Variants in MAP3K20 observed in about 807,000 individuals in gnomAD.
MAP3K20 encodes mitogen-activated protein kinase kinase kinase 20.
In MAP3K20, 40 loss-of-function variants were observed where a neutral mutation model predicts 85.7. That is an observed-to-expected ratio of 0.47 (90% confidence interval 0.36 to 0.61). The LOEUF is 0.61. Ranked by LOEUF, MAP3K20 falls within the 20% of genes least tolerant of loss-of-function variation. The pLI is 0.00. For synonymous variants in MAP3K20, 325 were observed against 327.7 expected (o/e 0.99, Z 0.09); for missense variants, 817 against 961.7 (o/e 0.85, Z 1.99).
intron 2 of MAP3K20, among the ~76,000 whole-genome samples, chr2:173,152,123 G>T (rs75618272): frequency 0.039 from 5,876 of 152,082 alleles, 183 homozygotes; most frequent in African/African-American, 0.084. Context: ...TCATCTCTGG[G>T]CTCACTGTTG....
rs3835094 is a variant in MAP3K20, at chr2:173,266,783, T to TAAAAA, written c.*46_*50dup. 5.3e-4 allele frequency: 549 copies of TAAAAA among 1,030,310 alleles called. 2 individuals are homozygous for TAAAAA. Among genetic ancestry groups the TAAAAA allele is most frequent in the Non-Finnish European group, 6.0e-4 (467 of 779,544 alleles). 63.8% of individuals were successfully genotyped at this position (1,030,310 alleles called of 1,614,324 possible). A position where few individuals can be genotyped will look rare whatever the true frequency, so the allele number is the denominator to read the frequency against. ...AACTACATAGCTTTTCTAAGCAGGT[T>TAAAAA]AAAAAAAAAAAAAAAAAGAAATGTA... On this transcript the variant is annotated 3_prime_UTR_variant, in exon 20 of 20. Transcript: ENST00000375213.
chr2:173,159,632 T>G (rs1194927307), intron 2 of MAP3K20, among the ~76,000 whole-genome samples: 1 of 152,298 alleles, frequency 6.6e-6, no homozygotes, highest in Non-Finnish European at 1.5e-5. Flanking sequence ...TCAAGTTATC[T>G]GCCTGCCTTG....
At chr2:173,134,255 A>ATTTTGGCT (rs1688708187) in intron 2 of MAP3K20, among the ~76,000 whole-genome samples, 2 of 137,506 alleles carry the variant, frequency 1.5e-5, no homozygotes, top group South Asian at 4.7e-4. Context: ...CCGTGGCGTG[A>ATTTTGGCT]TTTTGGCTTA....
intron 3 of MAP3K20, 95 bp downstream of exon 3, chr2:173,169,987 A>C: frequency 8.8e-7 from 1 of 1,133,598 alleles, no homozygotes; most frequent in Non-Finnish European, 1.3e-6. Context: ...TCAGTTATGA[A>C]TTGTGTGTTA....
intron 3 of MAP3K20, among the ~76,000 whole-genome samples, chr2:173,181,075 G>C (rs1054469259): frequency 9.9e-5 from 15 of 152,198 alleles, no homozygotes; most frequent in African/African-American, 3.6e-4. Flanking sequence ...CAAAAGATTT[G>C]AATAGATATT....
At chr2:173,229,929 T>A (rs1249022366) in intron 12 of MAP3K20, among the ~76,000 whole-genome samples, 196 bp downstream of exon 12, 1 of 152,156 alleles carries the variant, frequency 6.6e-6, no homozygotes, top group Non-Finnish European at 1.5e-5. Flanking sequence ...CTCCTGAGGT[T>A]CAAGCGATTC....
intron 3 of MAP3K20, among the ~76,000 whole-genome samples, chr2:173,173,154 CTGTG>C (rs57836780): frequency 0.076 from 10,494 of 138,520 alleles, 474 homozygotes; most frequent in African/African-American, 0.13. Context: ...TCTTTTATTT[CTGTG>C]TGTGTGTGTG....
intron 2 of MAP3K20, among the ~76,000 whole-genome samples, chr2:173,131,678 T>C (rs189199558): frequency 1.3e-5 from 2 of 152,126 alleles, no homozygotes; most frequent in Admixed American, 1.3e-4. Context: ...ATTCAGAAAA[T>C]CATGTGTAGA....
chr2:173,133,423 T>C (rs1574043314), intron 2 of MAP3K20, among the ~76,000 whole-genome samples: 1 of 152,012 alleles, frequency 6.6e-6, no homozygotes, highest in East Asian at 1.9e-4. Context: ...ATTTAGAGAG[T>C]GAGAGTCATT....
intron 2 of MAP3K20, among the ~76,000 whole-genome samples, chr2:173,144,626 A>T (rs939327272): frequency 6.6e-6 from 1 of 152,232 alleles, no homozygotes; most frequent in Non-Finnish European, 1.5e-5. Context: ...TGAGCCTGGG[A>T]GTTCAAAGCT....
In MAP3K20 at chr2:173,198,019, G is replaced by T; in HGVS notation, c.583-7G>T. 1.2e-6 allele frequency: 2 copies of T among 1,606,366 alleles called. No individual in the cohort carries two copies. Among genetic ancestry groups the T allele is most frequent in the Admixed American group, 1.7e-5 (1 of 58,556 alleles). On this transcript the variant is annotated splice_region_variant and splice_polypyrimidine_tract_variant and intron_variant, in intron 7 of 19. Transcript: ENST00000375213. The surrounding 1 kb of genome is among the most constrained non-coding windows in gnomAD (Gnocchi z 5.8). ...AAAATAAAAATTCCATTTTCTTTTT[G>T]TTCCAGGTTCTCTGGGAGATGCTAA...
intron 5 of MAP3K20, among the ~76,000 whole-genome samples, chr2:173,190,097 T>A (rs998726541): frequency 1.3e-5 from 2 of 152,192 alleles, no homozygotes; most frequent in East Asian, 3.8e-4. Flanking sequence ...ACATTTTTTG[T>A]CTGCTCCTGA....
intron 9 of MAP3K20, among the ~76,000 whole-genome samples, chr2:173,205,600 A>G (rs1683658807): frequency 6.6e-6 from 1 of 152,152 alleles, no homozygotes; most frequent in Admixed American, 6.5e-5. Context: ...GGCTTGGCTT[A>G]ACTTGGAAGA....
At chr2:173,131,031 A>G (rs2106200408) in intron 2 of MAP3K20, among the ~76,000 whole-genome samples, 1 of 152,326 alleles carries the variant, frequency 6.6e-6, no homozygotes, top group African/African-American at 2.4e-5. Flanking sequence ...TAATTACCTC[A>G]TGGAGTAATG....
chr2:173,125,992 C>T (rs1688432385), intron 2 of MAP3K20, among the ~76,000 whole-genome samples: 1 of 152,076 alleles, frequency 6.6e-6, no homozygotes, highest in Non-Finnish European at 1.5e-5. Context: ...ATGATATATA[C>T]TCTTCCATTC....
intron 11 of MAP3K20, chr2:173,226,403 T>C (rs1684390058): frequency 1.0e-6 from 1 of 985,338 alleles, no homozygotes; most frequent in South Asian, 4.7e-5. Context: ...ACCACATATA[T>C]AACAGAGCAT....
chr2:173,236,832 C>T (rs1206765886), intron 14 of MAP3K20, among the ~76,000 whole-genome samples: 2 of 152,122 alleles, frequency 1.3e-5, no homozygotes, highest in African/African-American at 2.4e-5. Context: ...AGTAGCTCCA[C>T]GCTGGAGGAG....
chr2:173,235,315 G>A (rs900614121), intron 14 of MAP3K20, among the ~76,000 whole-genome samples: 3 of 152,230 alleles, frequency 2.0e-5, no homozygotes, highest in Non-Finnish European at 2.9e-5. Flanking sequence ...CTTGCAGAAT[G>A]AGGTATTTGG....
chr2:173,223,150 C>T (rs754031553), intron 11 of MAP3K20: 13 of 985,164 alleles, frequency 1.3e-5, no homozygotes, highest in Middle Eastern at 5.2e-4. Context: ...TATGCTGTGC[C>T]AGCTTCATTT....
Sources: gnomAD v4.1 joint callset for allele counts (sites outside exome capture counted in the v4.1 genomes callset) on GRCh38, gnomAD v4.1.1 for gene constraint, Gnocchi (gnomAD v3.1) non-coding constraint, MANE v1.5 for transcripts, NCBI Gene and HGNC (gene_info 2026-07-23, HGNC 2026-07-21) for gene names.